Variants in ZMYM2 observed in about 807,000 individuals in gnomAD.
ZMYM2 encodes zinc finger MYM-type containing 2.
ZMYM2 carries 56 observed loss-of-function variants against 162.8 expected under a neutral mutation model. The ratio of observed to expected loss-of-function variants is 0.34; its 90% confidence interval spans 0.28 to 0.43. The LOEUF is 0.43. ZMYM2 is among the 20% of genes least tolerant of loss of function. The probability of loss-of-function intolerance (pLI) is 1.00; values close to 1 mark genes in which losing one functional copy is unlikely to be tolerated. For synonymous variants in ZMYM2, 510 were observed against 541.6 expected, an observed-to-expected ratio of 0.94 and a Z score of 0.81; for missense variants, 1,275 against 1,621.8, an observed-to-expected ratio of 0.79 and a Z score of 3.67.
the ZMYM2 span, among the ~76,000 whole-genome samples, chr13:19,870,550 T>TTCCTTCCTTCCTTCCTTCCTTC: frequency 8.7e-6 from 1 of 114,748 alleles, no homozygotes; most frequent in Non-Finnish European, 1.8e-5. Context: ...TTTCTTTCTT[T>TTCCTTCCTTCCTTCCTTCCTTC]CTTCCTTCCT....
At chr13:19,943,256 T>C in the ZMYM2 span, among the ~76,000 whole-genome samples, 7 of 152,148 alleles carry the variant, frequency 4.6e-5, no homozygotes, top group Non-Finnish European at 8.8e-5. Flanking sequence ...CATAAAGAGA[T>C]CAGTCATATT....
chr13:19,870,549 T>TCCC, the ZMYM2 span, among the ~76,000 whole-genome samples: 1 of 132,488 alleles, frequency 7.5e-6, no homozygotes, highest in Non-Finnish European at 1.6e-5. Context: ...CTTTCTTTCT[T>TCCC]TCTTCCTTCC....
chr13:19,907,345 G>T, the ZMYM2 span, among the ~76,000 whole-genome samples: 2 of 152,074 alleles, frequency 1.3e-5, no homozygotes, highest in Admixed American at 1.3e-4. Flanking sequence ...GGCAGTATGG[G>T]TTCATCAGTT....
intron 3 of ZMYM2, among the ~76,000 whole-genome samples, chr13:19,996,898 G>T (rs1033804650): frequency 1.3e-5 from 2 of 152,130 alleles, no homozygotes; most frequent in Non-Finnish European, 1.5e-5. Flanking sequence ...AACAAATAAA[G>T]AAAGCTGAGC....
intron 9 of ZMYM2, among the ~76,000 whole-genome samples, chr13:20,028,892 C>A (rs1295982118): frequency 6.6e-6 from 1 of 151,300 alleles, no homozygotes; most frequent in Non-Finnish European, 1.5e-5. Flanking sequence ...TAGGCTCTTA[C>A]TTTGAGGAAT....
At chr13:19,962,895 C>T (rs1239357340) in intron 2 of ZMYM2, among the ~76,000 whole-genome samples, 2 of 145,172 alleles carry the variant, frequency 1.4e-5, no homozygotes, top group African/African-American at 5.1e-5. Flanking sequence ...GATGTCTGCT[C>T]ACTGCAGCCT....
chr13:19,912,293 T>G, the ZMYM2 span, among the ~76,000 whole-genome samples: 1 of 42,090 alleles, frequency 2.4e-5, no homozygotes, highest in East Asian at 3.8e-4. Context: ...GTTTTTTGGG[T>G]TTTTTTTTTT....
intron 9 of ZMYM2, among the ~76,000 whole-genome samples, chr13:20,027,663 G>A (rs1294484132): frequency 3.9e-5 from 6 of 152,086 alleles, no homozygotes; most frequent in Non-Finnish European, 7.4e-5. Context: ...GGACCTAGAT[G>A]TATTTAGCCT....
chr13:19,940,251 G>A, the ZMYM2 span, among the ~76,000 whole-genome samples: 1 of 152,168 alleles, frequency 6.6e-6, no homozygotes, highest in African/African-American at 2.4e-5. Flanking sequence ...TTCCTTAATG[G>A]TGAGCCAGAA....
the ZMYM2 span, among the ~76,000 whole-genome samples, chr13:19,933,934 C>T: frequency 6.6e-6 from 1 of 152,318 alleles, no homozygotes; most frequent in East Asian, 1.9e-4. Context: ...ATCCACTATA[C>T]TGAAAATCTT....
In ZMYM2 at chr13:20,006,402, T is replaced by C. The variant is rs1021344371; in HGVS notation, c.1328T>C (p.Met443Thr). 31 of 1,595,778 alleles carry C rather than the reference T, an allele frequency of 1.9e-5. No homozygotes were observed. Among genetic ancestry groups the C allele is most frequent in the Non-Finnish European group, 2.6e-5 (31 of 1,170,588 alleles). The change falls in exon 6 of 25, where the codon ATG becomes ACG. Residue 443 changes from methionine (M) to threonine (T), a missense_variant. Physicochemically the swap from Met to Thr is moderately conservative, Grantham distance 81 (BLOSUM62 -1). Coordinates refer to ENST00000610343, the MANE Select transcript of ZMYM2 (RefSeq NM_197968.4). ...EIRHEVSFKN[M>T]THKLCSDHCF... ...CGCCATGAAGTCAGCTTTAAAAATA[T>C]GACTCATAAGCTGTGCAGTGACCAC...
At chr13:19,884,475 G>A in the ZMYM2 span, among the ~76,000 whole-genome samples, 7 of 152,074 alleles carry the variant, frequency 4.6e-5, no homozygotes, top group African/African-American at 9.7e-5. Context: ...CTACTCGGGA[G>A]GCCGAGGCAG....
the ZMYM2 span, among the ~76,000 whole-genome samples, chr13:19,906,367 A>ATGTGTG: frequency 7.1e-6 from 1 of 140,810 alleles, no homozygotes; most frequent in Non-Finnish European, 1.5e-5. Context: ...ATATATATGT[A>ATGTGTG]TATATATATG....
chr13:19,993,635 C>T lies in ZMYM2; in HGVS notation c.563C>T (p.Thr188Ile). ...PDSEIQIANV[T>I]TLETGVSSVN... ...TCTGAAATTCAGATTGCTAATGTTA[C>T]AACTTTAGAAACAGGTGTAAGCTCT... The change falls in exon 3 of 25, where the codon ACA (threonine) becomes ATA (isoleucine). Residue 188 changes from threonine to isoleucine, a missense_variant. Physicochemically the swap from Thr to Ile is moderately conservative, Grantham distance 89. Coordinates refer to ENST00000610343, the MANE Select transcript of ZMYM2 (RefSeq NM_197968.4). 2 of 1,614,090 alleles carry T rather than the reference C, an allele frequency of 1.2e-6. No homozygotes were observed. The highest frequency in any genetic ancestry group is 1.7e-6 in the Non-Finnish European group (2 of 1,179,980).
the ZMYM2 span, among the ~76,000 whole-genome samples, chr13:19,866,823 G>A: frequency 0.012 from 1,835 of 152,120 alleles, 39 homozygotes; most frequent in African/African-American, 0.04. Context: ...GAGCCCAGGA[G>A]GTCAAAGCTG....
chr13:19,923,191 CA>C, the ZMYM2 span, among the ~76,000 whole-genome samples: 45,336 of 125,326 alleles, frequency 0.36, 8,534 homozygotes, highest in East Asian at 0.55. Flanking sequence ...ACTAAATATA[CA>C]AAAAAAAAAA....
the ZMYM2 span, among the ~76,000 whole-genome samples, chr13:19,924,889 T>G: frequency 6.6e-6 from 1 of 151,514 alleles, no homozygotes; most frequent in South Asian, 2.1e-4. Flanking sequence ...TTTTTTTTTT[T>G]TTTTTTGTTT....
intron 21 of ZMYM2, among the ~76,000 whole-genome samples, chr13:20,078,624 C>T (rs1246352352): frequency 2.6e-5 from 4 of 152,232 alleles, no homozygotes; most frequent in South Asian, 2.1e-4. Flanking sequence ...TATCTGTCAA[C>T]GTGCTGCTTT....
chr13:19,890,546 C>T, the ZMYM2 span, among the ~76,000 whole-genome samples: 3 of 130,854 alleles, frequency 2.3e-5, no homozygotes, highest in African/African-American at 6.0e-5. Context: ...CCTGTCTGTT[C>T]GTAATTGGGG....
Sources: allele counts gnomAD v4.1 joint callset (sites outside exome capture counted in the v4.1 genomes callset), GRCh38; gene constraint gnomAD v4.1.1; transcripts MANE v1.5; gene names NCBI Gene and HGNC (gene_info 2026-07-23, HGNC 2026-07-21).